The following CSMD3 variants were observed in gnomAD, a reference collection of about 807,000 sequenced individuals.
CSMD3 encodes the protein CUB and sushi domain-containing protein 3.
A neutral mutation model predicts 435.2 loss-of-function variants in CSMD3; 177 were observed. The observed-to-expected ratio is 0.41, with a 90% CI of 0.36 to 0.46. The LOEUF is 0.46. Among genes scored for constraint, CSMD3 ranks in the 20% least tolerant of loss-of-function variants. CSMD3 has a pLI of 0.34. For synonymous variants in CSMD3, 1,656 were observed against 1,520.5 expected (o/e 1.09, Z -2.07); for missense variants, 4,265 against 4,504.6 (o/e 0.95, Z 1.52).
intron 3 of CSMD3, among the ~76,000 whole-genome samples, chr8:113,260,137 C>T (rs1359491639): frequency 1.3e-5 from 2 of 152,112 alleles, no homozygotes; most frequent in Non-Finnish European, 2.9e-5. Flanking sequence ...TCAACTAAAC[C>T]TCTTTCCTTT....
At chr8:112,948,026 T>A in intron 8 of CSMD3, 149 bp from the exon 9 acceptor site, 1 of 551,948 alleles carries the variant, frequency 1.8e-6, no homozygotes, top group Non-Finnish European at 3.2e-6. Flanking sequence ...TATAATTTTA[T>A]AAAACAATAA....
At chr8:112,588,317 A>C (rs1421985195) in intron 22 of CSMD3, among the ~76,000 whole-genome samples, 1 of 151,896 alleles carries the variant, frequency 6.6e-6, no homozygotes, top group African/African-American at 2.4e-5. Flanking sequence ...AATAAGGCAA[A>C]GGAAACAAAA....
chr8:112,348,317 C>G (rs1268380376), intron 40 of CSMD3, among the ~76,000 whole-genome samples: 1 of 152,186 alleles, frequency 6.6e-6, no homozygotes, highest in Non-Finnish European at 1.5e-5. Flanking sequence ...AAAATAAAAT[C>G]AACTTCTGTT....
intron 4 of CSMD3, among the ~76,000 whole-genome samples, chr8:113,142,422 A>T (rs557710744): frequency 2.6e-4 from 40 of 151,402 alleles, no homozygotes; most frequent in African/African-American, 9.6e-4. Flanking sequence ...AGGTACAGAC[A>T]CACAGATCAA....
At chr8:112,632,284 G>A (rs1039787378) in intron 22 of CSMD3, among the ~76,000 whole-genome samples, 1 of 151,974 alleles carries the variant, frequency 6.6e-6, no homozygotes, top group East Asian at 1.9e-4. Context: ...TCATCTGAAA[G>A]GTCAGAAAAG....
chr8:113,417,682 A>T (rs2094588325), intron 1 of CSMD3, among the ~76,000 whole-genome samples: 1 of 151,932 alleles, frequency 6.6e-6, no homozygotes, highest in South Asian at 2.1e-4. Flanking sequence ...CCTTTTTGAA[A>T]GTAAGAGACC....
chr8:113,297,857 T>C (rs2093734090), intron 2 of CSMD3, among the ~76,000 whole-genome samples: 1 of 152,132 alleles, frequency 6.6e-6, no homozygotes, highest in Non-Finnish European at 1.5e-5. Flanking sequence ...AACATGCACC[T>C]GACTGACACA....
At chr8:112,381,580 G>T (rs1026130861) in intron 37 of CSMD3, among the ~76,000 whole-genome samples, 1 of 152,264 alleles carries the variant, frequency 6.6e-6, no homozygotes, top group Non-Finnish European at 1.5e-5. Context: ...GCGCAACTTT[G>T]TGGACCTCAC....
intron 13 of CSMD3, among the ~76,000 whole-genome samples, chr8:112,743,923 A>G (rs1176893140): frequency 6.6e-6 from 1 of 152,182 alleles, no homozygotes; most frequent in Admixed American, 6.5e-5. Flanking sequence ...AGATAAACAG[A>G]TGTACAAGCA....
chr8:113,325,815 G>A (rs1331930594), intron 1 of CSMD3, among the ~76,000 whole-genome samples: 2 of 152,158 alleles, frequency 1.3e-5, no homozygotes, highest in African/African-American at 4.8e-5. Flanking sequence ...TAATTCCAAT[G>A]TAGATCTTAG....
intron 17 of CSMD3, among the ~76,000 whole-genome samples, chr8:112,660,939 C>T (rs1273227644): frequency 1.3e-5 from 2 of 152,024 alleles, no homozygotes; most frequent in Non-Finnish European, 2.9e-5. Context: ...AAATGAGGCA[C>T]GGTTGACAAG....
chr8:112,488,228 T>G (rs1820329704), intron 31 of CSMD3, among the ~76,000 whole-genome samples: 1 of 152,176 alleles, frequency 6.6e-6, no homozygotes, highest in Non-Finnish European at 1.5e-5. Context: ...AAAATCTATC[T>G]TCTAAAATAG....
intron 2 of CSMD3, among the ~76,000 whole-genome samples, chr8:113,285,111 A>AG (rs2093636698): frequency 6.6e-6 from 1 of 152,222 alleles, no homozygotes; most frequent in African/African-American, 2.4e-5. Flanking sequence ...ATGCCCATGT[A>AG]GGTTTCTTAA....
chr8:113,160,452 T>C (rs1196350656), intron 4 of CSMD3, among the ~76,000 whole-genome samples: 1 of 151,988 alleles, frequency 6.6e-6, no homozygotes, highest in Non-Finnish European at 1.5e-5. Flanking sequence ...TTAGGCATTT[T>C]TACACTTTAT....
chr8:112,810,516 TA>T (rs1428518173), intron 12 of CSMD3, among the ~76,000 whole-genome samples: 1 of 152,142 alleles, frequency 6.6e-6, no homozygotes, highest in Non-Finnish European at 1.5e-5. Flanking sequence ...TGCAGAGATT[TA>T]ATTGACTGTT....
intron 1 of CSMD3, among the ~76,000 whole-genome samples, chr8:113,392,098 C>T (rs867876433): frequency 6.6e-6 from 1 of 152,038 alleles, no homozygotes; most frequent in South Asian, 2.1e-4. Flanking sequence ...CTTGAAACCA[C>T]TGTAAAAACA....
At chr8:112,637,037 G>C (rs776116770) in intron 21 of CSMD3, 32 bp from the exon 22 acceptor site, 2 of 1,557,012 alleles carry the variant, frequency 1.3e-6, no homozygotes, top group South Asian at 2.2e-5. Flanking sequence ...TTCCCCGCGG[G>C]GGAGGAAAGG....
rs142025795 is a variant in CSMD3 at position 112,990,190 on chromosome 8, G to A, written c.1031-14042C>T. ...CATGAGAACAGACTAATACAGCCAC[G>A]TAAGGAAGTATGTCTGGCTACCAGA... is the stretch of plus-strand genomic sequence containing the variant. On this transcript the variant is annotated intron_variant, in intron 6 of 70. Coordinates refer to ENST00000297405, the MANE Select transcript of CSMD3 (RefSeq NM_198123.2). 3.8e-4 allele frequency among the ~76,000 whole-genome samples: 58 copies of A among 152,028 alleles called. No homozygotes were observed. The East Asian group carries it at 5.4e-3, about 14-fold the overall frequency.
intron 13 of CSMD3, among the ~76,000 whole-genome samples, chr8:112,708,495 G>T (rs1213290855): frequency 6.6e-6 from 1 of 151,902 alleles, no homozygotes; most frequent in Non-Finnish European, 1.5e-5. Flanking sequence ...CAAAATAAAG[G>T]ATATTAGAGT....
Sources: allele counts gnomAD v4.1 joint callset (sites outside exome capture counted in the v4.1 genomes callset), GRCh38; gene constraint gnomAD v4.1.1; transcripts MANE v1.5; gene names NCBI Gene and HGNC (gene_info 2026-07-23, HGNC 2026-07-21).